Variants in RILPL1 observed in about 807,000 individuals in gnomAD.
RILPL1 encodes Rab interacting lysosomal protein like 1, also known as RILP-like protein 1.
RILPL1 carries 33 observed loss-of-function variants against 50.3 expected under a neutral mutation model. The observed-to-expected ratio is 0.66, with a 90% CI of 0.50 to 0.88. The LOEUF (loss-of-function observed/expected upper bound fraction) is 0.88, where lower values mean the gene tolerates loss of function less well. RILPL1 is among the 40% of genes least tolerant of loss of function. The pLI, the probability that RILPL1 is intolerant of heterozygous loss-of-function variation, is 0.00. For synonymous variants in RILPL1, 205 were observed against 228.6 expected, an observed-to-expected ratio of 0.90 and a Z score of 0.93; for missense variants, 418 against 542.5, an observed-to-expected ratio of 0.77 and a Z score of 2.28.
intron 2 of RILPL1, among the ~76,000 whole-genome samples, chr12:123,521,384 T>G (rs1165571724): frequency 2.0e-5 from 3 of 151,790 alleles, no homozygotes; most frequent in African/African-American, 7.3e-5. Flanking sequence ...TCATGAGAAC[T>G]TTTGTTTTCA....
rs199741406 is a variant in RILPL1, at chr12:123,499,471, C to T, written c.526G>A (p.Glu176Lys). 38 of 1,613,978 alleles carry T rather than the reference C, an allele frequency of 2.4e-5. 1 individual carries two copies. The highest frequency in any genetic ancestry group is 2.6e-5 in the Non-Finnish European group (31 of 1,179,880). ...LKEVVDKQRD[E>K]IRAKDRELGL... ...AGCTCCCTGTCCTTGGCGCGGATCT[C>T]GTCGCGTTGTTTGTCCACCACCTCC... Residue 176 changes from glutamate (E) to lysine (K), a missense_variant, in exon 3 of 7, where the codon GAG becomes AAG. Transcript: ENST00000376874.
chr12:123,475,379 C>A, intron 6 of RILPL1: 1 of 446,300 alleles, frequency 2.2e-6, no homozygotes, highest in East Asian at 4.0e-5. Flanking sequence ...ACTTAAAGGA[C>A]CTTCTTTACT....
chr12:123,495,499 C>G (rs559713966), intron 4 of RILPL1, among the ~76,000 whole-genome samples: 11 of 151,020 alleles, frequency 7.3e-5, no homozygotes, highest in African/African-American at 2.7e-4. Flanking sequence ...CTCAGCCTCC[C>G]GAGTAGCTGG....
At position 123,522,836 on chromosome 12, in the gene RILPL1, T is replaced by A. The variant is rs1443041760; in HGVS notation, c.460+659A>T. On this transcript the variant is annotated intron_variant, in intron 2 of 6. Coordinates refer to ENST00000376874, the MANE Select transcript of RILPL1 (RefSeq NM_178314.5). The surrounding 1 kb of genome is among the most constrained non-coding windows in gnomAD (Gnocchi z 4.0). The stretch of plus-strand genomic sequence containing the variant: ...TCAAACTCCTGGCTCCAAGTGATCT[T>A]CCTGCTTCAGCCTCCCAAAGTGCTG... Among the ~76,000 whole-genome samples, 2 of 152,028 alleles carry A rather than the reference T, an allele frequency of 1.3e-5. No homozygotes were observed. The highest frequency in any genetic ancestry group is 2.9e-5 in the Non-Finnish European group (2 of 67,990).
intron 6 of RILPL1, among the ~76,000 whole-genome samples, chr12:123,481,412 G>A (rs888615607): frequency 6.6e-6 from 1 of 151,828 alleles, no homozygotes; most frequent in African/African-American, 2.4e-5. Flanking sequence ...GGGCTGCCAT[G>A]CTGCCATCCT....
At chr12:123,503,186 CTTTTTTTTTTTTT>C (rs373514624) in intron 2 of RILPL1, among the ~76,000 whole-genome samples, 1,399 of 80,578 alleles carry the variant, frequency 0.017, 34 homozygotes, top group African/African-American at 0.074. Context: ...CACGCCTGGC[CTTTTTTTTTTTTT>C]TTTTTTTTTT....
intron 2 of RILPL1, among the ~76,000 whole-genome samples, chr12:123,504,800 A>G (rs1056805620): frequency 1.3e-5 from 2 of 152,220 alleles, no homozygotes; most frequent in Middle Eastern, 3.4e-3. Flanking sequence ...AAAGTCTTAC[A>G]GCCAAAAACT....
chr12:123,525,905 C>A (rs1462164438), intron 1 of RILPL1, among the ~76,000 whole-genome samples: 5 of 146,016 alleles, frequency 3.4e-5, no homozygotes. Flanking sequence ...AGCTGGTAGC[C>A]CTCCACCCCC....
chr12:123,511,782 GT>G, intron 2 of RILPL1, among the ~76,000 whole-genome samples: 1 of 128,898 alleles, frequency 7.8e-6, no homozygotes. Flanking sequence ...TGTGTGTGTG[GT>G]GTGTGTGAGG....
Position 123,485,354 on chromosome 12 carries a change from G to A in RILPL1, c.974+279C>T, listed in dbSNP as rs920782435. 6.3e-5 allele frequency: 33 copies of A among 525,816 alleles called. No individual in the cohort carries two copies. The highest frequency in any genetic ancestry group is 7.1e-5 in the Non-Finnish European group (20 of 283,022). 32.6% of individuals were successfully genotyped at this position (525,816 alleles called of 1,614,324 possible). Reference sequence around the variant, plus strand: ...AAAAGAGATGAGGTCTCGCTTTGTTGCCCAGGCTAGTCTCGAATGCCTGGG... The same window carrying A: ...AAAAGAGATGAGGTCTCGCTTTGTTACCCAGGCTAGTCTCGAATGCCTGGG... On this transcript the variant is annotated intron_variant, in intron 5 of 6. Transcript: ENST00000376874. The surrounding 1 kb of genome is among the most constrained non-coding windows in gnomAD (Gnocchi z 4.0).
Position 123,472,428 on chromosome 12 carries a change from A to C in RILPL1, c.*110T>G, listed in dbSNP as rs1004867861. ...CAGTCTGTTTGAGGGGTCAGTTTTC[A>C]GGGTGCATCTGCACCGAGAGGCTTG... On this transcript the variant is annotated 3_prime_UTR_variant, in exon 7 of 7. Coordinates refer to ENST00000376874, the MANE Select transcript of RILPL1 (RefSeq NM_178314.5). 3 of 1,192,554 alleles carry C rather than the reference A, an allele frequency of 2.5e-6. No individual in the cohort carries two copies. In the African/African-American group the frequency reaches 4.6e-5, roughly 18 times the overall value. 73.9% of individuals were successfully genotyped at this position (1,192,554 alleles called of 1,614,324 possible). A position where few individuals can be genotyped will look rare whatever the true frequency, so the allele number is the denominator to read the frequency against.
Position 123,533,318 on chromosome 12 carries a change from G to T in RILPL1, c.165C>A (p.Pro55=). 7 of 1,584,212 alleles carry T rather than the reference G, an allele frequency of 4.4e-6. No homozygotes were observed. Among genetic ancestry groups the T allele is most frequent in the Non-Finnish European group, 6.0e-6 (7 of 1,168,738 alleles). Residue 55 remains proline, a synonymous_variant, in exon 1 of 7, where the codon CCC becomes CCA. Coordinates refer to ENST00000376874, the MANE Select transcript of RILPL1 (RefSeq NM_178314.5). The surrounding 1 kb of genome is among the most constrained non-coding windows in gnomAD (Gnocchi z 6.2). Reference sequence around the variant, plus strand: ...GGATCTCCAGGACGCGCACGACCTTGGGCATGAGGCGCGCGATGGCCTCGC... The same window carrying T: ...GGATCTCCAGGACGCGCACGACCTTTGGCATGAGGCGCGCGATGGCCTCGC... ...HGCEAIARLM[P]KVVRVLEILE...
chr12:123,481,221 G>A (rs979895560), intron 6 of RILPL1, among the ~76,000 whole-genome samples: 7 of 152,104 alleles, frequency 4.6e-5, no homozygotes, highest in African/African-American at 1.7e-4. Flanking sequence ...GCCGGGCGTA[G>A]AGGCAGATGC....
chr12:123,525,009 G>GT (rs1214327769), intron 1 of RILPL1, among the ~76,000 whole-genome samples: 1 of 152,148 alleles, frequency 6.6e-6, no homozygotes, highest in Non-Finnish European at 1.5e-5. Context: ...GTGGGCACCT[G>GT]TAATCCCAGC....
At chr12:123,480,799 G>A (rs1008466007) in intron 6 of RILPL1, among the ~76,000 whole-genome samples, 1 of 152,098 alleles carries the variant, frequency 6.6e-6, no homozygotes, top group Non-Finnish European at 1.5e-5. Context: ...GGCTACCGTG[G>A]GCACCCCGTA....
chr12:123,498,486 T>G lies in RILPL1; in HGVS notation c.801+58A>C. The G allele has an allele frequency of 6.5e-7, 1 of 1,534,528 alleles. No homozygotes were observed. The highest frequency in any genetic ancestry group is 9.0e-7 in the Non-Finnish European group (1 of 1,114,566). On this transcript the variant is annotated intron_variant, in intron 4 of 6. Transcript: ENST00000376874. This position sits in a 1 kb window ranked among gnomAD's most constrained non-coding sequence, Gnocchi z 4.3. ...GAAAACAAGGCAACCCTGCCTGCCT[T>G]AAGCCAACCCCCAGACTGACCCTCT...
chr12:123,487,980 T>C (rs1030051338), intron 4 of RILPL1, among the ~76,000 whole-genome samples: 1 of 152,090 alleles, frequency 6.6e-6, no homozygotes, highest in Admixed American at 6.6e-5. Context: ...AGTCAGCCAG[T>C]CAATCTACAG....
chr12:123,524,392 A>G (rs1490137536), intron 1 of RILPL1, among the ~76,000 whole-genome samples: 1 of 152,214 alleles, frequency 6.6e-6, no homozygotes, highest in East Asian at 1.9e-4. Flanking sequence ...TCGCAAAAAC[A>G]TTAACACAGA....
At chr12:123,523,972 T>A (rs567600878) in intron 1 of RILPL1, among the ~76,000 whole-genome samples, 32 of 152,360 alleles carry the variant, frequency 2.1e-4, no homozygotes, top group Non-Finnish European at 4.3e-4. Context: ...GGTCCGAACG[T>A]TCCTAACCTC....
Sources: allele counts gnomAD v4.1 joint callset (sites outside exome capture counted in the v4.1 genomes callset), GRCh38; gene constraint gnomAD v4.1.1; non-coding constraint Gnocchi (gnomAD v3.1); transcripts MANE v1.5; gene names NCBI Gene and HGNC (gene_info 2026-07-23, HGNC 2026-07-21).